WWP1: variants seen among roughly 807,000 people sequenced by gnomAD.
The protein encoded by WWP1 is NEDD4-like E3 ubiquitin-protein ligase WWP1.
WWP1 carries 49 observed loss-of-function variants against 130.6 expected under a neutral mutation model. The ratio of observed to expected loss-of-function variants is 0.38; its 90% CI spans 0.30 to 0.48. WWP1 has a LOEUF of 0.48. WWP1 is among the 20% of genes least tolerant of loss of function. WWP1 has a pLI of 0.99. For synonymous variants in WWP1, 332 were observed against 367.8 expected (o/e 0.90, Z 1.11); for missense variants, 809 against 1,100.6 (o/e 0.74, Z 3.75).
Position 86,467,331 on chromosome 8 carries a change from T to G in WWP1, c.*438T>G, listed in dbSNP as rs1458804253. The G allele has an allele frequency of 6.5e-6, 1 of 153,416 alleles. No homozygotes were observed. Among genetic ancestry groups the G allele is most frequent in the Non-Finnish European group, 1.5e-5 (1 of 68,964 alleles). The allele number at this position is 153,416 out of a possible 1,614,324, so 9.5% of individuals were successfully genotyped here. The stretch of plus-strand genomic sequence containing the variant: ...TCCCTTATGTAACATCTCCTGAGGG[T>G]GTTTAGTTGCATGGCTGTTCAGAAA... On this transcript the variant is annotated 3_prime_UTR_variant, in exon 25 of 25. Coordinates refer to ENST00000517970, the MANE Select transcript of WWP1 (RefSeq NM_007013.4).
chr8:86,423,949 CCCCA>C (rs1204816093), intron 9 of WWP1, among the ~76,000 whole-genome samples: 1 of 1,858 alleles, frequency 5.4e-4, no homozygotes, highest in African/African-American at 1.4e-3. Flanking sequence ...CGGGGGCTGC[CCCCA>C]TAAGCGCTAA....
intron 14 of WWP1, among the ~76,000 whole-genome samples, chr8:86,434,849 T>A (rs1421934149): frequency 6.6e-6 from 1 of 152,180 alleles, no homozygotes; most frequent in East Asian, 1.9e-4. Context: ...TTCCTTAACA[T>A]TATGAAAGTT....
intron 1 of WWP1, among the ~76,000 whole-genome samples, chr8:86,347,672 G>C (rs186471018): frequency 4.5e-4 from 69 of 152,250 alleles, no homozygotes; most frequent in Non-Finnish European, 4.3e-4. Flanking sequence ...AGCAAAAGTT[G>C]ATTTCTTATC....
In WWP1 at chr8:86,389,269, A is replaced by G. The variant is rs1032950541; in HGVS notation, c.334+7640A>G. ...AGGTCAGCAGATAAACATGTGAACA[A>G]GGGTCTGTGGTTTTCCTAGGCAGAG... On this transcript the variant is annotated intron_variant, in intron 5 of 24. Coordinates refer to ENST00000517970, the MANE Select transcript of WWP1 (RefSeq NM_007013.4). 1.1e-4 allele frequency among the ~76,000 whole-genome samples: 17 copies of G among 152,108 alleles called. 1 individual carries two copies. In the East Asian group the frequency reaches 1.9e-3, roughly 17 times the overall value.
chr8:86,357,213 G>A (rs1336373495), intron 1 of WWP1, among the ~76,000 whole-genome samples: 1 of 152,114 alleles, frequency 6.6e-6, no homozygotes, highest in Non-Finnish European at 1.5e-5. Flanking sequence ...AGAAAACTGA[G>A]GCCGAGTGAG....
At chr8:86,414,249 A>G (rs62510789) in intron 9 of WWP1, among the ~76,000 whole-genome samples, 82 of 130,748 alleles carry the variant, frequency 6.3e-4, no homozygotes, top group Non-Finnish European at 1.0e-3. Flanking sequence ...GTGTGTGTGT[A>G]TGTGTGTGTA....
chr8:86,409,342 T>G (rs1808456968), intron 8 of WWP1, among the ~76,000 whole-genome samples: 1 of 147,146 alleles, frequency 6.8e-6, no homozygotes, highest in Non-Finnish European at 1.5e-5. Flanking sequence ...CAAGCAATAC[T>G]TCTGCCTCAG....
At chr8:86,370,247 G>A (rs971653265) in intron 2 of WWP1, among the ~76,000 whole-genome samples, 13 of 152,172 alleles carry the variant, frequency 8.5e-5, no homozygotes, top group Admixed American at 7.9e-4. Context: ...TACATTTCAA[G>A]GAAAACATTT....
intron 18 of WWP1, among the ~76,000 whole-genome samples, chr8:86,447,817 C>T (rs546105880): frequency 1.3e-5 from 2 of 152,220 alleles, no homozygotes; most frequent in African/African-American, 4.8e-5. Flanking sequence ...TTCAGGTGCA[C>T]AGGGCCCTTT....
At chr8:86,458,649 CTT>C (rs899033078) in intron 22 of WWP1, among the ~76,000 whole-genome samples, 1 of 152,086 alleles carries the variant, frequency 6.6e-6, no homozygotes, top group Admixed American at 6.5e-5. Context: ...AATTGGGACT[CTT>C]TTGAGCAACT....
chr8:86,440,495 A>G (rs1305636937), intron 17 of WWP1: 4 of 244,434 alleles, frequency 1.6e-5, no homozygotes, highest in South Asian at 4.5e-5. Flanking sequence ...GTTTTCTAGC[A>G]TTGAATGTTA....
At chr8:86,375,487 GCAGATA>G (rs939929058) in intron 3 of WWP1, among the ~76,000 whole-genome samples, 22 of 152,116 alleles carry the variant, frequency 1.4e-4, no homozygotes, top group African/African-American at 5.3e-4. Context: ...GAAAATATAA[GCAGATA>G]CATGTGCAGT....
chr8:86,419,477 A>G (rs571019836), intron 9 of WWP1, among the ~76,000 whole-genome samples: 2 of 152,332 alleles, frequency 1.3e-5, no homozygotes, highest in African/African-American at 2.4e-5. Flanking sequence ...TAGATACAAC[A>G]TACATACAAC....
intron 5 of WWP1, among the ~76,000 whole-genome samples, chr8:86,389,407 C>T (rs1825484165): frequency 6.6e-6 from 1 of 152,160 alleles, no homozygotes; most frequent in South Asian, 2.1e-4. Context: ...GCACATCTTG[C>T]ACCCCCCTTA....
chr8:86,436,864 G>A (rs991345406), intron 16 of WWP1, among the ~76,000 whole-genome samples: 1 of 151,964 alleles, frequency 6.6e-6, no homozygotes, highest in African/African-American at 2.4e-5. Flanking sequence ...ATGGAGTAAT[G>A]ATACTCTGAG....
chr8:86,456,559 A>ATTTTC (rs966112759), intron 21 of WWP1, among the ~76,000 whole-genome samples: 3 of 151,958 alleles, frequency 2.0e-5, no homozygotes, highest in African/African-American at 7.2e-5. Context: ...TTGTAATGTT[A>ATTTTC]AATGTACATC....
Position 86,442,652 on chromosome 8 carries a change from G to A in WWP1, c.1872G>A (p.Leu624=). The change falls in exon 18 of 25, where the codon TTG becomes TTA. Residue 624 remains leucine, a synonymous_variant. Transcript: ENST00000517970. Reference sequence around the variant, plus strand: ...TTTTCTTGCTTTCACATGAAGTTTTGAACCCAATGTATTGCTTATTTGAGT... The same window carrying A: ...TTTTCTTGCTTTCACATGAAGTTTTAAACCCAATGTATTGCTTATTTGAGT... ...EWFFLLSHEV[L]NPMYCLFEYA... is the part of the protein sequence containing the mutation. The A allele has an allele frequency of 6.2e-7, 1 of 1,607,106 alleles. No homozygotes were observed. Among genetic ancestry groups the A allele is most frequent in the Non-Finnish European group, 8.5e-7 (1 of 1,177,736 alleles).
intron 1 of WWP1, among the ~76,000 whole-genome samples, chr8:86,364,861 GAAGAAAGAGAGAAAGA>G (rs1303672774): frequency 6.7e-6 from 1 of 150,050 alleles, no homozygotes; most frequent in Non-Finnish European, 1.5e-5. Flanking sequence ...GAGAGAGAAA[GAAGAAAGAGAGAAAGA>G]AAGAAAGAGA....
At chr8:86,349,936 G>C (rs1272358437) in intron 1 of WWP1, among the ~76,000 whole-genome samples, 1 of 151,996 alleles carries the variant, frequency 6.6e-6, no homozygotes, top group Non-Finnish European at 1.5e-5. Flanking sequence ...AGACCTAGGG[G>C]AGAAGGGTTT....
Sources: gnomAD v4.1 joint callset for allele counts (sites outside exome capture counted in the v4.1 genomes callset) on GRCh38, gnomAD v4.1.1 for gene constraint, MANE v1.5 for transcripts, NCBI Gene and HGNC (gene_info 2026-07-23, HGNC 2026-07-21) for gene names.